Variants in SAGE1 observed in about 807,000 individuals in gnomAD.
SAGE1 encodes sarcoma antigen 1.
Under a neutral mutation model 55.4 loss-of-function variants are expected in SAGE1, and 55 were observed. That is an observed-to-expected ratio of 0.99 (90% CI 0.80 to 1.24). SAGE1 has a LOEUF of 1.24. Among genes scored for constraint, SAGE1 ranks in the 50% most tolerant of loss-of-function variants. The pLI, the probability that SAGE1 is intolerant of heterozygous loss-of-function variation, is 0.00. For synonymous variants in SAGE1, 240 were observed against 244.3 expected, an observed-to-expected ratio of 0.98 and a Z score of 0.17; for missense variants, 710 against 704.4, an observed-to-expected ratio of 1.01 and a Z score of -0.09.
At chrX:135,897,734 C>T (rs1378050873) in intron 2 of SAGE1, among the ~76,000 whole-genome samples, 3 of 111,265 alleles carry the variant, frequency 2.7e-5, no homozygotes, top group Non-Finnish European at 5.7e-5. Flanking sequence ...CATAGGTAAA[C>T]GTGTGGCATG....
chrX:135,900,982 T>TA (rs1209114008), intron 2 of SAGE1, among the ~76,000 whole-genome samples: 5 of 108,305 alleles, frequency 4.6e-5, no homozygotes, highest in African/African-American at 1.4e-4. Flanking sequence ...CCATCTCTAC[T>TA]AAAAATACAA....
At chrX:135,904,294 G>A (rs1203545864) in intron 3 of SAGE1, among the ~76,000 whole-genome samples, 183 bp from the exon 4 acceptor site, 1 of 111,430 alleles carries the variant, frequency 9.0e-6, no homozygotes, top group African/African-American at 3.3e-5. Flanking sequence ...GTGTCGTGAG[G>A]GAAGAAGGTA....
chrX:135,894,598 G>A (rs1906593173), intron 1 of SAGE1, among the ~76,000 whole-genome samples: 1 of 106,954 alleles, frequency 9.3e-6, no homozygotes, highest in Admixed American at 1.0e-4. Flanking sequence ...TCACCTTTTC[G>A]GTGAACCAAC....
intron 2 of SAGE1, among the ~76,000 whole-genome samples, chrX:135,901,118 G>A (rs1556596323): frequency 2.2e-5 from 2 of 91,872 alleles, no homozygotes; most frequent in Non-Finnish European, 4.2e-5. Context: ...AATCCAGCCT[G>A]GGCGACAGAG....
At position 135,906,460 on chromosome X, in the gene SAGE1, A is replaced by G. The variant is rs372343672; in HGVS notation, c.645A>G (p.Gln215=). 3 of 1,209,456 alleles carry G rather than the reference A, an allele frequency of 2.5e-6. No homozygotes were observed. The highest frequency in any genetic ancestry group is 3.4e-6 in the Non-Finnish European group (3 of 894,207). Residue 215 remains glutamine, a synonymous_variant, in exon 7 of 20, where the codon CAA becomes CAG. Coordinates refer to ENST00000370709, the MANE Select transcript of SAGE1 (RefSeq NM_001381902.1). ...GTGAACAGAAGATGGAAAATGTCCA[A>G]CCAGCACCTGATAACGTGTTGTTGA... ...NVCEQKMENV[Q]PAPDNVLLTL... is the part of the protein sequence containing the mutation.
intron 8 of SAGE1, 123 bp downstream of exon 8, chrX:135,907,189 C>A (rs1481333373): frequency 1.3e-5 from 13 of 1,033,114 alleles, no homozygotes; most frequent in African/African-American, 1.1e-4. Context: ...GGTCTCAGAT[C>A]ACCACCTGTC....
intron 5 of SAGE1, 25 bp downstream of exon 5, chrX:135,905,417 G>A: frequency 1.7e-6 from 2 of 1,150,246 alleles, no homozygotes; most frequent in Non-Finnish European, 1.2e-6. Flanking sequence ...TAGTTGTACT[G>A]TCATACTTGT....
chrX:135,905,201 A>G (rs1556599632), intron 4 of SAGE1, 51 bp from the exon 5 acceptor site: 1 of 1,139,848 alleles, frequency 8.8e-7, no homozygotes, highest in East Asian at 3.0e-5. Flanking sequence ...TACTGGTTCA[A>G]TTGTCATAAT....
rs1302967013 is a variant in SAGE1, at chrX:135,912,358, A to G, written c.2559A>G (p.Gln853=). 1.7e-6 allele frequency: 2 copies of G among 1,202,752 alleles called. No individual in the cohort carries two copies. Among genetic ancestry groups the G allele is most frequent in the African/African-American group, 3.5e-5 (2 of 57,399 alleles). The change falls in exon 19 of 20, where the codon CAA becomes CAG. Residue 853 remains glutamine, a synonymous_variant. Transcript: ENST00000370709. ...ERIFILLEEV[Q]GSMKVKRQFV... is the part of the protein sequence containing the mutation. ...TTTTCATTTTGCTTGAAGAGGTACA[A>G]GGATCTATGAAAGTCAAGAGACAAT...
chrX:135,901,069 G>A (rs782184478), intron 2 of SAGE1, among the ~76,000 whole-genome samples: 1 of 104,807 alleles, frequency 9.5e-6, no homozygotes, highest in Admixed American at 1.0e-4. Flanking sequence ...CGTGACTTGG[G>A]GAAGCAGAGC....
intron 10 of SAGE1, 43 bp downstream of exon 10, chrX:135,907,884 A>G: frequency 8.8e-7 from 1 of 1,140,426 alleles, no homozygotes; most frequent in Non-Finnish European, 1.2e-6. Flanking sequence ...TGGTTTCCAT[A>G]TGCATGCATA....
Position 135,912,945 on chromosome X carries a change from A to G in SAGE1, c.*48A>G, listed in dbSNP as rs781910406. 1.1e-6 allele frequency: 1 copy of G among 883,263 alleles called. No individual in the cohort carries two copies. Among genetic ancestry groups the G allele is most frequent in the Non-Finnish European group, 1.6e-6 (1 of 609,604 alleles). 72.8% of individuals were successfully genotyped at this position (883,263 alleles called of 1,213,427 possible). A position where few individuals can be genotyped will look rare whatever the true frequency, so the allele number is the denominator to read the frequency against. On this transcript the variant is annotated 3_prime_UTR_variant, in exon 20 of 20. Transcript: ENST00000370709. The stretch of plus-strand genomic sequence containing the variant: ...GAGAAACAAGGACATATGCTGTAGG[A>G]TGGAACAGGTTATTGCTGAAGCTCC...
At chrX:135,908,045 T>A (rs1439690389) in intron 10 of SAGE1, 44 bp from the exon 11 acceptor site, 2 of 1,191,537 alleles carry the variant, frequency 1.7e-6, no homozygotes. Flanking sequence ...GGGATTGACA[T>A]ACTGCACTTA....
intron 15 of SAGE1, 22 bp downstream of exon 15, chrX:135,910,192 A>G: frequency 2.5e-6 from 3 of 1,189,684 alleles, no homozygotes; most frequent in Non-Finnish European, 3.4e-6. Flanking sequence ...CACTTGTTGT[A>G]CTGTCATACT....
intron 18 of SAGE1, 93 bp from the exon 19 acceptor site, chrX:135,912,228 T>C: frequency 3.6e-6 from 4 of 1,125,552 alleles, no homozygotes; most frequent in Non-Finnish European, 4.7e-6. Context: ...TTGTAGCCCA[T>C]GAAAAATGTA....
intron 13 of SAGE1, 112 bp downstream of exon 13, chrX:135,909,116 G>T: frequency 1.5e-6 from 1 of 685,670 alleles, no homozygotes; most frequent in Non-Finnish European, 2.2e-6. Flanking sequence ...CAATTTGAGG[G>T]ATCTCAGTTG....
rs144595101 is a variant in SAGE1, at chrX:135,912,501, C to T, written c.2615+87C>T. ...CAGGAAAAAATCATGGTTTGTTCCTCCTAATCCCTGGCCCTCAATCATAGT... is the reference window on the plus strand; with the variant it reads ...CAGGAAAAAATCATGGTTTGTTCCTTCTAATCCCTGGCCCTCAATCATAGT... On this transcript the variant is annotated intron_variant, in intron 19 of 19. Transcript: ENST00000370709. The T allele has an allele frequency of 2.3e-3, 2,685 of 1,177,000 alleles. 10 individuals are homozygous for T. Among genetic ancestry groups the T allele is most frequent in the Non-Finnish European group, 1.8e-3 (1,628 of 884,574 alleles).
chrX:135,899,504 A>G (rs1348723384), intron 2 of SAGE1, among the ~76,000 whole-genome samples: 1 of 111,912 alleles, frequency 8.9e-6, no homozygotes, highest in East Asian at 2.8e-4. Flanking sequence ...ATGCATTTTA[A>G]AATAGCTCCT....
intron 19 of SAGE1, 107 bp from the exon 20 acceptor site, chrX:135,912,691 T>G: frequency 8.9e-7 from 1 of 1,119,568 alleles, no homozygotes; most frequent in Non-Finnish European, 1.2e-6. Flanking sequence ...GGATGCATTT[T>G]CTGTTTGCAT....
Sources: allele counts gnomAD v4.1 joint callset (sites outside exome capture counted in the v4.1 genomes callset), GRCh38; gene constraint gnomAD v4.1.1; transcripts MANE v1.5; gene names NCBI Gene and HGNC (gene_info 2026-07-23, HGNC 2026-07-21).